Variants in C10orf143 observed in about 807,000 individuals in gnomAD.
The protein encoded by C10orf143 is chromosome 10 open reading frame 143.
chr10:130,061,173 C>CT (rs1410171094), downstream of C10orf143, among the ~76,000 whole-genome samples: 1 of 152,096 alleles, frequency 6.6e-6, no homozygotes, highest in African/African-American at 2.4e-5. Context: ...AAAGTACATG[C>CT]TTGGGAGCAT....
chr10:130,107,627 GA>G (rs1195787456), intron 1 of C10orf143: 1 of 1,337,380 alleles, frequency 7.5e-7, no homozygotes, highest in Non-Finnish European at 1.1e-6. Flanking sequence ...GCCTTCATCT[GA>G]AACGAGAGCT....
chr10:130,042,946 G>T (rs756961119), intron 3 of C10orf143, among the ~76,000 whole-genome samples: 3 of 152,196 alleles, frequency 2.0e-5, no homozygotes, highest in Non-Finnish European at 4.4e-5. Context: ...ACATACTGAG[G>T]TATTCAAGGT....
chr10:130,096,873 GA>G (rs1175443826), intron 1 of C10orf143, among the ~76,000 whole-genome samples: 1 of 144,774 alleles, frequency 6.9e-6, no homozygotes, highest in Non-Finnish European at 1.5e-5. Flanking sequence ...AAAACGAAAA[GA>G]CAAGCCACAT....
chr10:130,088,566 A>G (rs1861330263), intron 1 of C10orf143, among the ~76,000 whole-genome samples: 1 of 152,206 alleles, frequency 6.6e-6, no homozygotes, highest in Non-Finnish European at 1.5e-5. Flanking sequence ...GTGTAAGTGT[A>G]TAATGCTGGG....
At chr10:130,093,591 CA>C (rs964467563) in intron 1 of C10orf143, among the ~76,000 whole-genome samples, 3 of 151,928 alleles carry the variant, frequency 2.0e-5, no homozygotes, top group Admixed American at 6.6e-5. Context: ...GATAGAGATA[CA>C]AAAAAACCCT....
downstream of C10orf143, among the ~76,000 whole-genome samples, chr10:130,061,548 C>T (rs930866882): frequency 4.6e-5 from 7 of 152,076 alleles, no homozygotes; most frequent in Middle Eastern, 3.2e-3. Context: ...CTATATCCCC[C>T]CAAAAGCAAT....
chr10:130,084,048 T>C (rs1460007103), intron 1 of C10orf143, among the ~76,000 whole-genome samples: 3 of 152,110 alleles, frequency 2.0e-5, no homozygotes, highest in South Asian at 4.1e-4. Context: ...TGGTGGCTCA[T>C]GCCTGCAATC....
chr10:130,100,698 A>T (rs1037223891), intron 1 of C10orf143, among the ~76,000 whole-genome samples: 2 of 152,242 alleles, frequency 1.3e-5, no homozygotes, highest in African/African-American at 4.8e-5. Flanking sequence ...TGGGATTAAA[A>T]ATGCACTGGA....
At chr10:130,109,136 TG>T (rs1184541131) in intron 1 of C10orf143, among the ~76,000 whole-genome samples, 1 of 152,136 alleles carries the variant, frequency 6.6e-6, no homozygotes, top group Non-Finnish European at 1.5e-5. Flanking sequence ...CCCTCTCTTG[TG>T]CAAACCTCTG....
chr10:130,062,375 G>A (rs567240299), downstream of C10orf143, among the ~76,000 whole-genome samples: 4 of 152,170 alleles, frequency 2.6e-5, no homozygotes, highest in South Asian at 2.1e-4. Context: ...TGGGAGAGGC[G>A]GACTCACCCT....
chr10:130,037,712 C>A (rs1325856009), intron 3 of C10orf143, among the ~76,000 whole-genome samples: 1 of 152,176 alleles, frequency 6.6e-6, no homozygotes, highest in Non-Finnish European at 1.5e-5. Flanking sequence ...AATATCAGAC[C>A]CATACGTGAC....
intron 1 of C10orf143, among the ~76,000 whole-genome samples, chr10:130,102,283 T>A (rs1861570249): frequency 6.6e-6 from 1 of 152,172 alleles, no homozygotes; most frequent in Non-Finnish European, 1.5e-5. Context: ...TATTCGTTTA[T>A]TATTTTTATT....
chr10:130,109,831 A>G (rs879498922), intron 1 of C10orf143, among the ~76,000 whole-genome samples: 16 of 152,016 alleles, frequency 1.1e-4, no homozygotes, highest in Non-Finnish European at 1.6e-4. Flanking sequence ...TGCACTTACC[A>G]AGCCTGTGTA....
At chr10:130,071,502 G>A (rs962788983) in intron 3 of C10orf143, among the ~76,000 whole-genome samples, 1 of 152,114 alleles carries the variant, frequency 6.6e-6, no homozygotes, top group African/African-American at 2.4e-5. Context: ...GGACTGATTT[G>A]CATATTTATT....
chr10:130,102,888 G>A (rs1409717509), intron 1 of C10orf143, among the ~76,000 whole-genome samples: 1 of 151,286 alleles, frequency 6.6e-6, no homozygotes, highest in African/African-American at 2.4e-5. Flanking sequence ...TCTGGTCAGT[G>A]TTAGCGTGAT....
chr10:130,073,279 C>T (rs142488418), intron 3 of C10orf143, among the ~76,000 whole-genome samples: 86 of 152,286 alleles, frequency 5.6e-4, no homozygotes, highest in African/African-American at 2.0e-3. Context: ...GTTTTTATGG[C>T]AGGGCTTCTA....
chr10:130,091,341 A>T (rs1347829539), intron 1 of C10orf143, among the ~76,000 whole-genome samples: 1 of 152,210 alleles, frequency 6.6e-6, no homozygotes, highest in South Asian at 2.1e-4. Context: ...TGACTCTTAG[A>T]AGGAAAACTA....
chr10:130,036,892 C>T (rs965160769), intron 3 of C10orf143, among the ~76,000 whole-genome samples: 1 of 152,058 alleles, frequency 6.6e-6, no homozygotes, highest in Non-Finnish European at 1.5e-5. Flanking sequence ...TTTGCTCGCC[C>T]TTCTCACCAG....
intron 1 of C10orf143, among the ~76,000 whole-genome samples, chr10:130,092,247 T>C (rs1861394407): frequency 6.6e-6 from 1 of 151,886 alleles, no homozygotes; most frequent in East Asian, 1.9e-4. Flanking sequence ...CAGAAGAGAG[T>C]GGGGGCCAAT....
Sources: allele counts gnomAD v4.1 joint callset (sites outside exome capture counted in the v4.1 genomes callset), GRCh38; gene constraint gnomAD v4.1.1; transcripts MANE v1.5; gene names NCBI Gene and HGNC (gene_info 2026-07-23, HGNC 2026-07-21).